Variants in FLRT1 observed in about 807,000 individuals in gnomAD.
The protein encoded by FLRT1 is leucine-rich repeat transmembrane protein FLRT1.
FLRT1 carries 14 observed loss-of-function variants against 30.9 expected under a neutral mutation model. The observed-to-expected ratio is 0.45, with a 90% confidence interval of 0.30 to 0.71. FLRT1 has a LOEUF of 0.71. Ranked by LOEUF, FLRT1 falls within the 30% of genes least tolerant of loss-of-function variation. FLRT1 has a pLI of 0.08. For synonymous variants in FLRT1, 368 were observed against 430.4 expected, an observed-to-expected ratio of 0.85 and a Z score of 1.80; for missense variants, 737 against 949.2, an observed-to-expected ratio of 0.78 and a Z score of 2.94.
Position 64,095,254 on chromosome 11 carries a change from G to A in FLRT1, c.-1037-7940G>A, listed in dbSNP as rs142967340. On this transcript the variant is annotated intron_variant, in intron 1 of 2. Transcript: ENST00000682287. ...TCCCAATTCAGCTAGTCTCTCAGGCGCACTTTAAGTTCTTTTGAAGTGTTA... is the reference window on the plus strand; with the variant it reads ...TCCCAATTCAGCTAGTCTCTCAGGCACACTTTAAGTTCTTTTGAAGTGTTA... Among the ~76,000 whole-genome samples, 331 of 152,190 alleles carry A rather than the reference G, an allele frequency of 2.2e-3. 3 individuals are homozygous for A. Among genetic ancestry groups the A allele is most frequent in the Non-Finnish European group, 2.0e-3 (134 of 68,022 alleles).
At chr11:64,079,418 C>T (rs528387508) in intron 1 of FLRT1, among the ~76,000 whole-genome samples, 25 of 151,900 alleles carry the variant, frequency 1.6e-4, no homozygotes, top group African/African-American at 5.8e-4. Context: ...GGGGGGTGTG[C>T]GAAGACAGTG....
Position 64,098,358 on chromosome 11 carries a change from C to T in FLRT1, c.-1037-4836C>T, listed in dbSNP as rs890742413. On this transcript the variant is annotated intron_variant, in intron 1 of 2. Transcript: ENST00000682287. ...CTCTCACTATACCAAGCCCTCCCAC[C>T]TCCAGTCTTCACATAGGCTGTTCCC... 4.6e-5 allele frequency among the ~76,000 whole-genome samples: 7 copies of T among 152,222 alleles called. No individual in the cohort carries two copies. In the East Asian group the frequency reaches 5.8e-4, roughly 13 times the overall value.
chr11:64,091,636 C>T (rs980942774), intron 1 of FLRT1, among the ~76,000 whole-genome samples: 8 of 152,252 alleles, frequency 5.3e-5, no homozygotes, highest in Middle Eastern at 3.4e-3. Flanking sequence ...TCCCCCCATC[C>T]GACAGATAAG....
rs568319026 is a variant in FLRT1 at position 64,117,308 on chromosome 11, G to A, written c.1041G>A (p.Ala347=). The A allele has an allele frequency of 7.6e-5, 123 of 1,614,122 alleles. No homozygotes were observed. The South Asian group carries it at 1.1e-3, about 14-fold the overall frequency. ...TGCGGGACTGGGTGAAGGCACGGGC[G>A]GCCGTGGTCAACGTGCGGGGCCTCA... ...MWLRDWVKAR[A]AVVNVRGLMC... The change falls in exon 3 of 3, where the codon GCG becomes GCA. Residue 347 remains alanine (A), a synonymous_variant. Transcript: ENST00000682287.
chr11:64,102,334 G>C (rs1944684898), intron 1 of FLRT1, among the ~76,000 whole-genome samples: 1 of 151,778 alleles, frequency 6.6e-6, no homozygotes, highest in South Asian at 2.1e-4. Flanking sequence ...CTGTGTGGAA[G>C]AGGAGGGCGG....
chr11:64,061,867 C>G (rs1449940558), intron 1 of FLRT1, among the ~76,000 whole-genome samples: 1 of 146,348 alleles, frequency 6.8e-6, no homozygotes, highest in African/African-American at 2.6e-5. Context: ...TGTGCCACCA[C>G]GCTGGCTTTT....
rs145269008 is a variant in FLRT1 at position 64,066,670 on chromosome 11, A to T, written c.-1038+30511A>T. Among the ~76,000 whole-genome samples the T allele has an allele frequency of 1.6e-4, 25 of 152,210 alleles. No individual in the cohort carries two copies. In the East Asian group the frequency reaches 4.8e-3, roughly 29 times the overall value. ...AAAAAAAAAAAAAAAGAATGTAAATAATCACGCTCCTTCTGAGATGTCTGC... is the reference window on the plus strand; with the variant it reads ...AAAAAAAAAAAAAAAGAATGTAAATTATCACGCTCCTTCTGAGATGTCTGC... On this transcript the variant is annotated intron_variant, in intron 1 of 2. Coordinates refer to ENST00000682287, the MANE Select transcript of FLRT1 (RefSeq NM_013280.5).
intron 1 of FLRT1, among the ~76,000 whole-genome samples, chr11:64,049,529 A>G (rs908099652): frequency 6.6e-6 from 1 of 152,214 alleles, no homozygotes; most frequent in African/African-American, 2.4e-5. Context: ...CTCCAAGGTC[A>G]GCCTCCCCAA....
At chr11:64,092,874 C>G (rs752652485) in intron 1 of FLRT1, among the ~76,000 whole-genome samples, 1 of 152,246 alleles carries the variant, frequency 6.6e-6, no homozygotes, top group Admixed American at 6.5e-5. Flanking sequence ...AATGGGTAAC[C>G]GCTGGAGTGA....
In FLRT1 at chr11:64,076,586, C is replaced by T. The variant is rs143020996; in HGVS notation, c.-1037-26608C>T. Among the ~76,000 whole-genome samples the T allele has an allele frequency of 1.5e-3, 228 of 152,330 alleles. 1 individual carries two copies. The Middle Eastern group carries it at 0.017, about 11-fold the overall frequency. The stretch of plus-strand genomic sequence containing the variant: ...CGGCCAGAGAACTTAGTCATCCTCA[C>T]AACAGCCTTATTGGACAGATACTAT... On this transcript the variant is annotated intron_variant, in intron 1 of 2. Transcript: ENST00000682287.
Position 64,082,472 on chromosome 11 carries a change from C to A in FLRT1, c.-1037-20722C>A, listed in dbSNP as rs1944321354. Among the ~76,000 whole-genome samples the A allele has an allele frequency of 6.6e-6, 1 of 151,944 alleles. No homozygotes were observed. ...GAGGGCAGGGCTGAGGGACTGAGGG[C>A]CAGGCTGGGGCCAAGAGCTGGTCCC... On this transcript the variant is annotated intron_variant, in intron 1 of 2. Transcript: ENST00000682287. The surrounding 1 kb of genome is among the most constrained non-coding windows in gnomAD (Gnocchi z 4.5).
chr11:64,063,681 G>A (rs893877038), intron 1 of FLRT1, among the ~76,000 whole-genome samples: 3 of 152,172 alleles, frequency 2.0e-5, no homozygotes, highest in African/African-American at 7.2e-5. Flanking sequence ...GCAGAAGCCT[G>A]GGGGTGTCAA....
intron 2 of FLRT1, among the ~76,000 whole-genome samples, chr11:64,112,274 G>A (rs1944876229): frequency 6.6e-6 from 1 of 152,174 alleles, no homozygotes; most frequent in African/African-American, 2.4e-5. Flanking sequence ...AGTACTTTGA[G>A]AGGCCCAGGG....
intron 1 of FLRT1, among the ~76,000 whole-genome samples, chr11:64,080,696 C>T (rs1182563471): frequency 2.6e-5 from 4 of 152,196 alleles, no homozygotes; most frequent in Non-Finnish European, 5.9e-5. Flanking sequence ...GAGGACCTCT[C>T]AGACCCAGGA....
chr11:64,038,381 G>C (rs1313756065), intron 1 of FLRT1, among the ~76,000 whole-genome samples: 1 of 152,232 alleles, frequency 6.6e-6, no homozygotes, highest in Non-Finnish European at 1.5e-5. Flanking sequence ...CTGCGTGTGG[G>C]TGCAGGGAAG....
chr11:64,077,322 T>C (rs1164280429), intron 1 of FLRT1, among the ~76,000 whole-genome samples: 1 of 152,120 alleles, frequency 6.6e-6, no homozygotes, highest in Non-Finnish European at 1.5e-5. Context: ...GCCAGCACCA[T>C]CTCTCAGGGG....
intron 1 of FLRT1, among the ~76,000 whole-genome samples, chr11:64,057,107 G>A (rs1464221045): frequency 1.3e-5 from 2 of 152,232 alleles, no homozygotes; most frequent in African/African-American, 2.4e-5. Context: ...AGGGCTTCCT[G>A]TGTGTTCATC....
chr11:64,108,313 C>CAA (rs59331409), intron 2 of FLRT1, among the ~76,000 whole-genome samples: 3 of 100,832 alleles, frequency 3.0e-5, no homozygotes, highest in Non-Finnish European at 4.2e-5. Flanking sequence ...AACTCTGTCT[C>CAA]AAAAAAAAAA....
At chr11:64,041,091 G>A (rs996785164) in intron 1 of FLRT1, among the ~76,000 whole-genome samples, 6 of 150,614 alleles carry the variant, frequency 4.0e-5, no homozygotes, top group South Asian at 2.1e-4. Context: ...ATTCCTGCCC[G>A]CGTCACTCTC....
Sources: gnomAD v4.1 joint callset for allele counts (sites outside exome capture counted in the v4.1 genomes callset) on GRCh38, gnomAD v4.1.1 for gene constraint, Gnocchi (gnomAD v3.1) non-coding constraint, MANE v1.5 for transcripts, NCBI Gene and HGNC (gene_info 2026-07-23, HGNC 2026-07-21) for gene names.